PTBP3: variants seen among roughly 807,000 people sequenced by gnomAD.
PTBP3 encodes the protein polypyrimidine tract-binding protein 3.
In PTBP3, 20 loss-of-function variants were observed where a neutral mutation model predicts 58.7. The ratio of observed to expected loss-of-function variants is 0.34; its 90% CI spans 0.24 to 0.50. The LOEUF (loss-of-function observed/expected upper bound fraction) is 0.50. PTBP3 is among the 20% of genes least tolerant of loss of function. PTBP3 has a pLI of 0.98. For missense variants in PTBP3, 509 were observed against 637.2 expected, an observed-to-expected ratio of 0.80 and a Z score of 2.17; for synonymous variants, 185 against 219.8, an observed-to-expected ratio of 0.84 and a Z score of 1.40.
chr9:112,225,195 C>T (rs1834935644), intron 12 of PTBP3, among the ~76,000 whole-genome samples: 1 of 152,198 alleles, frequency 6.6e-6, no homozygotes, highest in Admixed American at 6.5e-5. Flanking sequence ...CAACTGCCAA[C>T]AAGGACAGTA....
intron 3 of PTBP3, among the ~76,000 whole-genome samples, chr9:112,268,896 T>C (rs1827242171): frequency 6.6e-6 from 1 of 151,958 alleles, no homozygotes; most frequent in Non-Finnish European, 1.5e-5. Context: ...AGTTTATCAT[T>C]AAAAACAGTG....
At chr9:112,339,586 G>C in the PTBP3 span, among the ~76,000 whole-genome samples, 1 of 143,284 alleles carries the variant, frequency 7.0e-6, no homozygotes, top group Admixed American at 7.2e-5. Context: ...TTTCTTTTGA[G>C]ACAGTCTCAC....
At position 112,317,962 on chromosome 9, in the gene PTBP3, A is replaced by T. The variant is rs146146744; in HGVS notation, c.-52+15508T>A. ...AAAAACAACAAAAAACAAACAAACAAATCCATTATGAACAACTTTACATGC... is the reference window on the plus strand; with the variant it reads ...AAAAACAACAAAAAACAAACAAACATATCCATTATGAACAACTTTACATGC... On this transcript the variant is annotated intron_variant, in intron 1 of 13. Coordinates refer to ENST00000374257, the MANE Select transcript of PTBP3 (RefSeq NM_001163788.4). Among the ~76,000 whole-genome samples the T allele has an allele frequency of 6.4e-4, 97 of 152,190 alleles. 1 individual carries two copies. The highest frequency in any genetic ancestry group is 2.2e-3 in the African/African-American group (93 of 41,522).
intron 1 of PTBP3, chr9:112,330,486 A>C (rs1830325504): frequency 6.6e-7 from 1 of 1,514,840 alleles, no homozygotes; most frequent in African/African-American, 1.4e-5. Context: ...TGTATGGAAA[A>C]AGTAAAAAGA....
At chr9:112,323,787 G>C (rs562589221) in intron 1 of PTBP3, among the ~76,000 whole-genome samples, 24 of 152,184 alleles carry the variant, frequency 1.6e-4, no homozygotes, top group Non-Finnish European at 2.8e-4. Flanking sequence ...GTGTAACACA[G>C]AAGTAACTGA....
At chr9:112,374,476 A>G in the PTBP3 span, among the ~76,000 whole-genome samples, 1 of 152,198 alleles carries the variant, frequency 6.6e-6, no homozygotes, top group Non-Finnish European at 1.5e-5. Context: ...AGTACCATAT[A>G]TTGAACACTG....
At chr9:112,367,152 A>T in the PTBP3 span, among the ~76,000 whole-genome samples, 2 of 152,176 alleles carry the variant, frequency 1.3e-5, no homozygotes, top group Non-Finnish European at 2.9e-5. Flanking sequence ...TATGTTATTG[A>T]TGTTACAATT....
chr9:112,367,225 G>A, the PTBP3 span, among the ~76,000 whole-genome samples: 1 of 152,082 alleles, frequency 6.6e-6, no homozygotes, highest in Non-Finnish European at 1.5e-5. Flanking sequence ...AAAAACTTTA[G>A]ACTACAGTTA....
In PTBP3 at chr9:112,222,531, A is replaced by G; in HGVS notation, c.*1320T>C. On this transcript the variant is annotated 3_prime_UTR_variant, in exon 14 of 14. Transcript: ENST00000374257. Reference sequence around the variant, plus strand: ...CCCAAATTGATATGCAATAACCCCTATCAGTCACAATGTAAAGAGGCCTAC... The same window carrying G: ...CCCAAATTGATATGCAATAACCCCTGTCAGTCACAATGTAAAGAGGCCTAC... 1.0e-6 allele frequency: 1 copy of G among 985,636 alleles called. No individual in the cohort carries two copies. The highest frequency in any genetic ancestry group is 1.2e-6 in the Non-Finnish European group (1 of 829,850). 61.1% of individuals were successfully genotyped at this position (985,636 alleles called of 1,614,324 possible).
At chr9:112,375,410 C>T in the PTBP3 span, among the ~76,000 whole-genome samples, 1 of 152,206 alleles carries the variant, frequency 6.6e-6, no homozygotes, top group African/African-American at 2.4e-5. Context: ...GGGAAGATTT[C>T]CCTTTATTGC....
intron 5 of PTBP3, among the ~76,000 whole-genome samples, chr9:112,259,785 A>G (rs80086845): frequency 0.017 from 2,566 of 152,320 alleles, 84 homozygotes; most frequent in African/African-American, 0.059. Flanking sequence ...AACCAACTCC[A>G]TACTTCTGTA....
chr9:112,349,276 A>G, the PTBP3 span, among the ~76,000 whole-genome samples: 3 of 152,156 alleles, frequency 2.0e-5, no homozygotes, highest in African/African-American at 4.8e-5. Flanking sequence ...CAGAGAGGGT[A>G]TGGAAGTTCT....
intron 1 of PTBP3, among the ~76,000 whole-genome samples, chr9:112,320,261 G>GAGTGA: frequency 8.7e-6 from 1 of 114,420 alleles, no homozygotes; most frequent in African/African-American, 4.0e-5. Context: ...CTGGGCAACA[G>GAGTGA]GACGAGACCC....
chr9:112,310,939 T>C (rs947546018), intron 1 of PTBP3, among the ~76,000 whole-genome samples: 14 of 152,102 alleles, frequency 9.2e-5, no homozygotes, highest in Non-Finnish European at 2.1e-4. Flanking sequence ...AGGGGAGAAG[T>C]AAAGAGATTA....
At chr9:112,274,484 A>T (rs1827522998) in intron 3 of PTBP3, among the ~76,000 whole-genome samples, 1 of 152,210 alleles carries the variant, frequency 6.6e-6, no homozygotes, top group Admixed American at 6.5e-5. Flanking sequence ...GAACTAAAGA[A>T]TTCATTCCAG....
chr9:112,292,859 C>CA (rs1307404288), intron 2 of PTBP3, among the ~76,000 whole-genome samples: 1 of 152,120 alleles, frequency 6.6e-6, no homozygotes, highest in Non-Finnish European at 1.5e-5. Flanking sequence ...CTATAGTTAA[C>CA]ATTACTACAC....
At position 112,275,884 on chromosome 9, in the gene PTBP3, C is replaced by T; in HGVS notation, c.164G>A (p.Gly55Asp). The T allele has an allele frequency of 6.2e-7, 1 of 1,613,584 alleles. No homozygotes were observed. The highest frequency in any genetic ancestry group is 8.5e-7 in the Non-Finnish European group (1 of 1,179,740). The change falls in exon 3 of 14, where the codon GGC (glycine) becomes GAC (aspartate). Residue 55 changes from glycine to aspartate, a missense_variant. Coordinates refer to ENST00000374257, the MANE Select transcript of PTBP3 (RefSeq NM_001163788.4). ...AEIISLGLPF[G>D]KVTNLLMLKG... ...CAACATCAAAAGATTAGTTACTTTG[C>T]CAAATGGTAGACCTAATGATATGAT...
intron 2 of PTBP3, among the ~76,000 whole-genome samples, chr9:112,286,258 T>A (rs370770540): frequency 6.6e-6 from 1 of 152,212 alleles, no homozygotes; most frequent in African/African-American, 2.4e-5. Flanking sequence ...ATCTAAACAA[T>A]CTTTTAATTG....
intron 7 of PTBP3, among the ~76,000 whole-genome samples, chr9:112,241,340 G>A (rs1835653793): frequency 6.6e-6 from 1 of 152,160 alleles, no homozygotes. Flanking sequence ...TGGACCTCAA[G>A]TGATCCACCT....
Sources: allele counts gnomAD v4.1 joint callset (sites outside exome capture counted in the v4.1 genomes callset), GRCh38; gene constraint gnomAD v4.1.1; transcripts MANE v1.5; gene names NCBI Gene and HGNC (gene_info 2026-07-23, HGNC 2026-07-21).